The following HARS2 variants were observed in gnomAD, a reference collection of about 807,000 sequenced individuals.
HARS2 encodes histidyl-tRNA synthetase 2, mitochondrial.
HARS2 carries 40 observed loss-of-function variants against 62.4 expected under a neutral mutation model. The observed-to-expected ratio is 0.64, with a 90% confidence interval of 0.50 to 0.83. The LOEUF (loss-of-function observed/expected upper bound fraction) is 0.83. HARS2 is among the 40% of genes least tolerant of loss of function. The probability of loss-of-function intolerance (pLI) is 0.00; values close to 1 mark genes in which losing one functional copy is unlikely to be tolerated. For synonymous variants in HARS2, 228 were observed against 227.0 expected (o/e 1.00, Z -0.04); for missense variants, 569 against 626.4 (o/e 0.91, Z 0.98).
intron 7 of HARS2, 35 bp downstream of exon 7, chr5:140,696,236 T>G: frequency 2.2e-6 from 3 of 1,390,854 alleles, no homozygotes; most frequent in Non-Finnish European, 3.1e-6. Context: ...AGACCCTATC[T>G]AGCTTCTGCC....
intron 2 of HARS2, 51 bp downstream of exon 2, chr5:140,693,716 C>A: frequency 1.4e-6 from 2 of 1,420,984 alleles, no homozygotes; most frequent in Non-Finnish European, 2.0e-6. Flanking sequence ...GAGGACTGAC[C>A]TCTGCCTTGC....
At position 140,697,953 on chromosome 5, in the gene HARS2, A is replaced by G; in HGVS notation, c.1336A>G (p.Asn446Asp). The change falls in exon 12 of 13, where the codon AAC becomes GAC. Residue 446 changes from asparagine (N) to aspartate (D), a missense_variant. By Grantham distance (23) the Asn-to-Asp change is conservative. Transcript: ENST00000230771. ...GIKAEMLYKN[N>D]PKLLTQLHYC... The stretch of plus-strand genomic sequence containing the variant: ...TCAGGCAGAGATGCTATACAAGAAC[A>G]ACCCCAAACTATTAACCCAGCTGCA... 1.2e-6 allele frequency: 2 copies of G among 1,614,048 alleles called. No homozygotes were observed. Among genetic ancestry groups the G allele is most frequent in the Non-Finnish European group, 1.7e-6 (2 of 1,179,892 alleles).
At chr5:140,691,881 C>A in intron 1 of HARS2, 125 bp downstream of exon 1, 1 of 713,188 alleles carries the variant, frequency 1.4e-6, no homozygotes, top group Non-Finnish European at 2.5e-6. Flanking sequence ...TATGTACTGA[C>A]ACTGAACTAA....
rs781286730 is a variant in HARS2 at position 140,693,624 on chromosome 5, G to A, written c.142G>A (p.Ala48Thr). The part of the protein sequence containing the change: ...AEAVLTSQLK[A>T]HQEKPNFIIK... ...GGCAGTGTTAACATCCCAACTGAAA[G>A]CACATCAAGAGAAACCAAATTTTAT... Residue 48 changes from alanine to threonine, a missense_variant, in exon 2 of 13, where the codon GCA (alanine) becomes ACA (threonine). Coordinates refer to ENST00000230771, the MANE Select transcript of HARS2 (RefSeq NM_012208.4). 6.2e-7 allele frequency: 1 copy of A among 1,614,070 alleles called. No homozygotes were observed. The highest frequency in any genetic ancestry group is 1.1e-5 in the South Asian group (1 of 91,084).
chr5:140,692,964 C>T (rs1759580532), intron 1 of HARS2, among the ~76,000 whole-genome samples: 1 of 151,944 alleles, frequency 6.6e-6, no homozygotes, highest in Non-Finnish European at 1.5e-5. Context: ...TAATCCCTAC[C>T]CCTGAATGGT....
chr5:140,696,270 G>C lies in HARS2; in HGVS notation c.732+69G>C. ...CCCTGCCCTCAAATCCATACCACTA[G>C]TGAAAAATAAGGAGATTGTGGCTGG... On this transcript the variant is annotated intron_variant, in intron 7 of 12. Coordinates refer to ENST00000230771, the MANE Select transcript of HARS2 (RefSeq NM_012208.4). 3 of 1,146,732 alleles carry C rather than the reference G, an allele frequency of 2.6e-6. No individual in the cohort carries two copies. The Admixed American group carries it at 5.1e-5, about 19-fold the overall frequency. 71.0% of individuals were successfully genotyped at this position (1,146,732 alleles called of 1,614,324 possible). A position where few individuals can be genotyped will look rare whatever the true frequency, so the allele number is the denominator to read the frequency against.
At chr5:140,696,455 G>A (rs954744725) in intron 7 of HARS2, 66 bp from the exon 8 acceptor site, 116 of 1,229,038 alleles carry the variant, frequency 9.4e-5, no homozygotes, top group Non-Finnish European at 1.4e-4. Flanking sequence ...TGGAAGTTGA[G>A]TTGTCCTTTT....
At chr5:140,694,122 G>C (rs1759656802) in intron 3 of HARS2, 63 bp from the exon 4 acceptor site, 2 of 1,607,524 alleles carry the variant, frequency 1.2e-6, no homozygotes, top group Admixed American at 1.7e-5. Flanking sequence ...GTCCCAAAGG[G>C]CTTCTCATCT....
intron 12 of HARS2, among the ~76,000 whole-genome samples, chr5:140,698,279 G>A (rs1343661252): frequency 6.6e-6 from 1 of 152,028 alleles, no homozygotes; most frequent in Non-Finnish European, 1.5e-5. Flanking sequence ...ATCCGAATGG[G>A]TATTTTGAGA....
intron 11 of HARS2, 68 bp downstream of exon 11, chr5:140,697,753 C>A: frequency 3.1e-6 from 4 of 1,306,922 alleles, no homozygotes; most frequent in Non-Finnish European, 4.4e-6. Context: ...CTATATCTAT[C>A]TTATGTCTGG....
Position 140,696,092 on chromosome 5 carries a change from T to C in HARS2, c.634-11T>C, listed in dbSNP as rs370426579. On this transcript the variant is annotated splice_polypyrimidine_tract_variant and intron_variant, in intron 6 of 12. Transcript: ENST00000230771. The stretch of plus-strand genomic sequence containing the variant: ...TGACAAGCACTTGGGTCACTGACAT[T>C]GAGTTCTCAGGTAAATGACCGGCGG... 1 of 1,603,530 alleles carries C rather than the reference T, an allele frequency of 6.2e-7. No individual in the cohort carries two copies. Among genetic ancestry groups the C allele is most frequent in the Non-Finnish European group, 8.5e-7 (1 of 1,170,470 alleles).
At chr5:140,697,719 A>C in intron 11 of HARS2, 34 bp downstream of exon 11, 1 of 1,475,382 alleles carries the variant, frequency 6.8e-7, no homozygotes, top group South Asian at 1.1e-5. Flanking sequence ...CCATCTGGGT[A>C]TGTGTGGAAT....
At position 140,696,525 on chromosome 5, in the gene HARS2, C is replaced by T. The variant is rs1192760530; in HGVS notation, c.737C>T (p.Ala246Val). The T allele has an allele frequency of 3.1e-6, 5 of 1,612,052 alleles. No individual in the cohort carries two copies. The highest frequency in any genetic ancestry group is 2.2e-5 in the East Asian group (1 of 44,890). Residue 246 changes from alanine to valine, a missense_variant, in exon 8 of 13, where the codon GCT becomes GTT. By Grantham distance (64) the Ala-to-Val change is moderately conservative. Transcript: ENST00000230771. ...AATGTTTGGGTGTTTATGCAGATGG[C>T]TTGGAAAGATGTGAGACATGAGATG... The part of the protein sequence containing the change: ...CSSIDKLDKM[A>V]WKDVRHEMVV...
At chr5:140,695,428 G>GTTGATATAT in intron 4 of HARS2, 80 bp from the exon 5 acceptor site, 1 of 1,556,548 alleles carries the variant, frequency 6.4e-7, no homozygotes, top group Non-Finnish European at 8.9e-7. Flanking sequence ...ATGAGATCCA[G>GTTGATATAT]GCCCAGTCCT....
chr5:140,694,613 C>CCAAG (rs1429915992), intron 4 of HARS2, among the ~76,000 whole-genome samples: 3 of 152,132 alleles, frequency 2.0e-5, no homozygotes, highest in African/African-American at 7.2e-5. Context: ...CGCCTGTAAT[C>CCAAG]CAAGCCCTTT....
chr5:140,698,474 G>T lies in HARS2; in HGVS notation c.1462-19G>T. 1 of 1,580,534 alleles carries T rather than the reference G, an allele frequency of 6.3e-7. No homozygotes were observed. The highest frequency in any genetic ancestry group is 8.7e-7 in the Non-Finnish European group (1 of 1,149,386). On this transcript the variant is annotated intron_variant, in intron 12 of 12. Transcript: ENST00000230771. Reference sequence around the variant, plus strand: ...TATCACTTTCTAGTTTATCACATGAGGATTCTCTTATGTTTCAGGTGGCCA... The same window carrying T: ...TATCACTTTCTAGTTTATCACATGATGATTCTCTTATGTTTCAGGTGGCCA...
rs1394096593 is a variant in HARS2 at position 140,691,772 on chromosome 5, T to C, written c.108+16T>C. On this transcript the variant is annotated intron_variant, in intron 1 of 12. Coordinates refer to ENST00000230771, the MANE Select transcript of HARS2 (RefSeq NM_012208.4). ...CCAAAGCCAGGTGAGCGAGACAGAA[T>C]TATCTCTGGTCTGTCCCAGCAGGGT... is the stretch of plus-strand genomic sequence containing the variant. The C allele has an allele frequency of 4.0e-6, 6 of 1,502,416 alleles. No individual in the cohort carries two copies. Among genetic ancestry groups the C allele is most frequent in the Non-Finnish European group, 4.5e-6 (5 of 1,102,704 alleles). The allele number at this position is 1,502,416 out of a possible 1,614,324, so 93.1% of individuals were successfully genotyped here.
At chr5:140,698,197 A>C in intron 12 of HARS2, 119 bp downstream of exon 12, 1 of 1,007,982 alleles carries the variant, frequency 9.9e-7, no homozygotes, top group South Asian at 1.5e-5. Context: ...GTAGAGATGA[A>C]CAAACACTCA....
At chr5:140,695,947 G>A (rs758834352) in intron 6 of HARS2, 102 bp downstream of exon 6, 2 of 1,009,554 alleles carry the variant, frequency 2.0e-6, no homozygotes, top group Non-Finnish European at 3.2e-6. Flanking sequence ...GCCTGCAACT[G>A]TAGGACTTTC....
Sources: allele counts gnomAD v4.1 joint callset (sites outside exome capture counted in the v4.1 genomes callset), GRCh38; gene constraint gnomAD v4.1.1; transcripts MANE v1.5; gene names NCBI Gene and HGNC (gene_info 2026-07-23, HGNC 2026-07-21).